The following PCLO variants were observed in gnomAD, a reference collection of about 807,000 sequenced individuals.
The protein encoded by PCLO is piccolo presynaptic cytomatrix protein, also known as protein piccolo.
PCLO carries 82 observed loss-of-function variants against 427.5 expected under a neutral mutation model. That is an observed-to-expected ratio of 0.19 (90% confidence interval 0.16 to 0.23). The LOEUF is 0.23. Among genes scored for constraint, PCLO ranks in the 10% least tolerant of loss-of-function variants. The pLI is 1.00. For synonymous variants in PCLO, 2,357 were observed against 2,155.4 expected (o/e 1.09, Z -2.59); for missense variants, 6,239 against 6,115.9 (o/e 1.02, Z -0.67).
chr7:82,954,613 C>T lies in PCLO; in HGVS notation c.6340G>A (p.Ala2114Thr), dbSNP rs1795461000. 1 of 1,613,824 alleles carries T rather than the reference C, an allele frequency of 6.2e-7. No homozygotes were observed. Among genetic ancestry groups the T allele is most frequent in the Admixed American group, 1.7e-5 (1 of 59,994 alleles). ...ASLTSSVLSG[A>T]SLTDSTSSAT... ...CTGCTGGTCGAATCTGTAAGAGACG[C>T]TCCTGAGAGAACACTTGATGTCAAA... Residue 2114 changes from alanine to threonine, a missense_variant, in exon 5 of 25, where the codon GCG (alanine) becomes ACG (threonine). By Grantham distance (58) the Ala-to-Thr change is moderately conservative. This residue lies in a region of PCLO where 4,677 missense variants were observed against 4,468.4 expected (regional missense o/e 1.05). Transcript: ENST00000333891.
chr7:82,800,443 T>C (rs1791322636), intron 22 of PCLO, among the ~76,000 whole-genome samples: 1 of 152,130 alleles, frequency 6.6e-6, no homozygotes, highest in African/African-American at 2.4e-5. Flanking sequence ...TCCTTTTATA[T>C]AAAGCCAATA....
chr7:82,797,065 G>T (rs76771301), intron 22 of PCLO, among the ~76,000 whole-genome samples: 56 of 151,978 alleles, frequency 3.7e-4, no homozygotes, highest in Non-Finnish European at 6.6e-4. Flanking sequence ...CTTCCATAAT[G>T]GTTTCATATT....
At chr7:83,038,086 T>TA (rs1788872881) in intron 3 of PCLO, among the ~76,000 whole-genome samples, 10 of 77,758 alleles carry the variant, frequency 1.3e-4, no homozygotes, top group African/African-American at 4.7e-4. Flanking sequence ...TATATATATC[T>TA]TTATATATAT....
intron 3 of PCLO, among the ~76,000 whole-genome samples, chr7:82,972,159 T>C (rs1031444978): frequency 1.3e-5 from 2 of 151,996 alleles, no homozygotes; most frequent in African/African-American, 4.8e-5. Flanking sequence ...ATTTATTCAA[T>C]TGTCAGCTAG....
At chr7:83,161,471 A>G (rs1289366134) in intron 1 of PCLO, among the ~76,000 whole-genome samples, 1 of 152,344 alleles carries the variant, frequency 6.6e-6, no homozygotes, top group South Asian at 2.1e-4. Context: ...TCAGTACTCT[A>G]ATTAGAAAAC....
At chr7:83,156,468 A>C (rs1238159174) in intron 1 of PCLO, 76 bp from the exon 2 acceptor site, 1 of 926,288 alleles carries the variant, frequency 1.1e-6, no homozygotes, top group Non-Finnish European at 1.6e-6. Flanking sequence ...AATACAAAAA[A>C]CCTATTGCTT....
At position 83,162,626 on chromosome 7, in the gene PCLO, C is replaced by T. The variant is rs1792476590; in HGVS notation, c.-34G>A. On this transcript the variant is annotated 5_prime_UTR_variant, in exon 1 of 25. Coordinates refer to ENST00000333891, the MANE Select transcript of PCLO (RefSeq NM_033026.6). Reference sequence around the variant, plus strand: ...GAGACTCGGGGCCGCCGCGCTCCCTCCTCGCGCCGCGTCCCAGTCGAGAAG... The same window carrying T: ...GAGACTCGGGGCCGCCGCGCTCCCTTCTCGCGCCGCGTCCCAGTCGAGAAG... The T allele has an allele frequency of 2.7e-6, 4 of 1,501,762 alleles. No individual in the cohort carries two copies. In the East Asian group the frequency reaches 7.4e-5, roughly 28 times the overall value. The allele number at this position is 1,501,762 out of a possible 1,614,324, so 93.0% of individuals were successfully genotyped here. A position where few individuals can be genotyped will look rare whatever the true frequency, so the allele number is the denominator to read the frequency against.
intron 6 of PCLO, among the ~76,000 whole-genome samples, chr7:82,923,868 G>A (rs529933529): frequency 6.6e-5 from 10 of 151,910 alleles, no homozygotes; most frequent in South Asian, 2.1e-4. Flanking sequence ...GACAGTAATG[G>A]CATTTTGGAC....
At chr7:83,098,952 G>A (rs1790664078) in intron 3 of PCLO, among the ~76,000 whole-genome samples, 2 of 151,956 alleles carry the variant, frequency 1.3e-5, no homozygotes, top group South Asian at 4.2e-4. Flanking sequence ...AGGAAAGAAA[G>A]GATTTACAAC....
intron 1 of PCLO, among the ~76,000 whole-genome samples, chr7:83,158,594 G>C (rs1038261707): frequency 5.3e-5 from 8 of 151,440 alleles, no homozygotes; most frequent in African/African-American, 1.9e-4. Context: ...TTTAATCATT[G>C]TTTTAATATT....
chr7:82,926,534 C>T (rs1182059393), intron 6 of PCLO, among the ~76,000 whole-genome samples: 1 of 152,028 alleles, frequency 6.6e-6, no homozygotes, highest in African/African-American at 2.4e-5. Flanking sequence ...TCTAGTAATA[C>T]ATAAAAAAAT....
At chr7:82,848,305 T>TTTC (rs1491530030) in intron 10 of PCLO, among the ~76,000 whole-genome samples, 1 of 44,356 alleles carries the variant, frequency 2.3e-5, no homozygotes, top group East Asian at 1.5e-3. Context: ...CATTAGTTAG[T>TTTC]TTTTTTTTTT....
intron 3 of PCLO, among the ~76,000 whole-genome samples, chr7:83,013,058 G>C (rs906183846): frequency 6.6e-6 from 1 of 151,960 alleles, no homozygotes; most frequent in African/African-American, 2.4e-5. Context: ...TATACACCTT[G>C]CTGCTCAGCT....
chr7:83,030,135 G>GA (rs895267938), intron 3 of PCLO, among the ~76,000 whole-genome samples: 4 of 101,568 alleles, frequency 3.9e-5, no homozygotes, highest in African/African-American at 6.3e-5. Flanking sequence ...AAAAAAAAAA[G>GA]AAAAGAAAAG....
At chr7:83,016,152 C>G (rs948251624) in intron 3 of PCLO, among the ~76,000 whole-genome samples, 21 of 152,036 alleles carry the variant, frequency 1.4e-4, no homozygotes, top group African/African-American at 4.3e-4. Context: ...GTTGGACACC[C>G]ACTATCAGAG....
intron 4 of PCLO, among the ~76,000 whole-genome samples, chr7:82,962,676 A>G (rs1007480720): frequency 1.3e-5 from 2 of 151,986 alleles, no homozygotes; most frequent in Admixed American, 6.6e-5. Flanking sequence ...AATTCAAAAA[A>G]TGTATATTTT....
intron 3 of PCLO, among the ~76,000 whole-genome samples, chr7:82,977,894 T>A (rs1796056455): frequency 6.6e-6 from 1 of 152,196 alleles, no homozygotes; most frequent in South Asian, 2.1e-4. Flanking sequence ...TTTATCATTA[T>A]GACACTAAGG....
Position 82,915,204 on chromosome 7 carries a change from C to G in PCLO, c.12782G>C (p.Gly4261Ala). ...DQQKFMGSSL[G>A]TGLGTLGNTI... Reference sequence around the variant, plus strand: ...ATTTCCTAATGTGCCCAGTCCTGTGCCAAGAGAAGATCCCATAAATTTTTG... The same window carrying G: ...ATTTCCTAATGTGCCCAGTCCTGTGGCAAGAGAAGATCCCATAAATTTTTG... Residue 4261 changes from glycine (G) to alanine (A), a missense_variant, in exon 7 of 25, where the codon GGC (glycine) becomes GCC (alanine). Around this residue, in one of 5 missense-constraint regions of PCLO, gnomAD observed 680 missense variants for 677.3 expected, o/e 1.00. Transcript: ENST00000333891. The G allele has an allele frequency of 1.2e-6, 2 of 1,611,490 alleles. No individual in the cohort carries two copies. Among genetic ancestry groups the G allele is most frequent in the Non-Finnish European group, 1.7e-6 (2 of 1,178,782 alleles).
intron 22 of PCLO, among the ~76,000 whole-genome samples, chr7:82,763,349 G>A (rs777216338): frequency 1.3e-5 from 2 of 152,136 alleles, no homozygotes; most frequent in African/African-American, 2.4e-5. Flanking sequence ...TAATTTCAGC[G>A]TATTTTGAAA....
Sources: allele counts gnomAD v4.1 joint callset (sites outside exome capture counted in the v4.1 genomes callset), GRCh38; gene constraint gnomAD v4.1.1; regional missense constraint gnomAD v4.1.1; transcripts MANE v1.5; gene names NCBI Gene and HGNC (gene_info 2026-07-23, HGNC 2026-07-21).